The following AMPH variants were observed in gnomAD, a reference collection of about 807,000 sequenced individuals.
AMPH encodes the protein amphiphysin (Stiff-Mann syndrome with breast cancer 128kD autoantigen).
AMPH carries 49 observed loss-of-function variants against 99.1 expected under a neutral mutation model. The observed-to-expected ratio is 0.49, with a 90% CI of 0.39 to 0.63. The LOEUF (loss-of-function observed/expected upper bound fraction) is 0.63. Among genes scored for constraint, AMPH ranks in the 20% least tolerant of loss-of-function variants. The pLI, the probability that AMPH is intolerant of heterozygous loss-of-function variation, is 0.00. For synonymous variants in AMPH, 314 were observed against 317.3 expected, an observed-to-expected ratio of 0.99 and a Z score of 0.11; for missense variants, 759 against 863.4, an observed-to-expected ratio of 0.88 and a Z score of 1.52.
intron 7 of AMPH, among the ~76,000 whole-genome samples, chr7:38,471,216 AC>A (rs1787872636): frequency 6.6e-6 from 1 of 152,120 alleles, no homozygotes; most frequent in South Asian, 2.1e-4. Context: ...AGTTCCATGA[AC>A]CCAGATATCT....
chr7:38,606,912 C>T (rs1562857991), intron 1 of AMPH, among the ~76,000 whole-genome samples: 1 of 152,138 alleles, frequency 6.6e-6, no homozygotes, highest in African/African-American at 2.4e-5. Context: ...ATTCATTACA[C>T]TGTATGAATT....
chr7:38,465,497 T>A lies in AMPH; in HGVS notation c.719A>T (p.Asp240Val). 6.3e-7 allele frequency: 1 copy of A among 1,584,616 alleles called. No homozygotes were observed. The highest frequency in any genetic ancestry group is 8.6e-7 in the Non-Finnish European group (1 of 1,163,642). The change falls in exon 9 of 21, where the codon GAC (aspartate) becomes GTC (valine). Residue 240 changes from aspartate to valine, a missense_variant. Coordinates refer to ENST00000356264, the MANE Select transcript of AMPH (RefSeq NM_001635.4). Reference protein sequence around the residue: ...VMTKLGDQHADKAFTIQGAPS... With the variant: ...VMTKLGDQHAVKAFTIQGAPS... ...CGCTCCTTGGATGGTGAAGGCCTTG[T>A]CGGCGTGCTGGTCACCCAGTTTTGT...
At chr7:38,559,301 C>T (rs1319429955) in intron 1 of AMPH, among the ~76,000 whole-genome samples, 3 of 152,228 alleles carry the variant, frequency 2.0e-5, no homozygotes, top group Non-Finnish European at 2.9e-5. Flanking sequence ...GCCTCATTTA[C>T]AGCTCACCCG....
chr7:38,440,377 A>G (rs1158052883), intron 11 of AMPH, among the ~76,000 whole-genome samples: 1 of 152,208 alleles, frequency 6.6e-6, no homozygotes, highest in Non-Finnish European at 1.5e-5. Context: ...AAAATCAGAA[A>G]GAATACATCA....
intron 1 of AMPH, among the ~76,000 whole-genome samples, chr7:38,562,815 G>T (rs1449247388): frequency 6.6e-6 from 1 of 152,194 alleles, no homozygotes; most frequent in Non-Finnish European, 1.5e-5. Context: ...GCAATGCAAG[G>T]AGTGTGTCTT....
chr7:38,517,576 G>A (rs764469092), intron 2 of AMPH, among the ~76,000 whole-genome samples: 28 of 152,158 alleles, frequency 1.8e-4, no homozygotes, highest in Non-Finnish European at 3.7e-4. Context: ...GTTCTTTATA[G>A]CAGTGTGAGA....
chr7:38,486,206 CTAAAT>C (rs1788486915), intron 5 of AMPH, among the ~76,000 whole-genome samples: 1 of 140,318 alleles, frequency 7.1e-6, no homozygotes, highest in South Asian at 2.2e-4. Context: ...TTTATCTAAA[CTAAAT>C]AAGATAGAAG....
chr7:38,452,333 T>C (rs1412366661), intron 11 of AMPH, among the ~76,000 whole-genome samples: 1 of 152,210 alleles, frequency 6.6e-6, no homozygotes, highest in Non-Finnish European at 1.5e-5. Context: ...AGAAAACCTT[T>C]TCAGGTACAT....
At chr7:38,597,942 C>T (rs1421027922) in intron 1 of AMPH, among the ~76,000 whole-genome samples, 1 of 152,186 alleles carries the variant, frequency 6.6e-6, no homozygotes, top group Admixed American at 6.5e-5. Context: ...CCCTTATCCT[C>T]TGAGAACATT....
chr7:38,393,878 G>T, intron 18 of AMPH, 127 bp downstream of exon 18: 1 of 801,996 alleles, frequency 1.2e-6, no homozygotes, highest in Non-Finnish European at 2.0e-6. Flanking sequence ...AATGTTGTTT[G>T]GTGGAGTCAC....
intron 1 of AMPH, among the ~76,000 whole-genome samples, chr7:38,537,434 C>T (rs1790654579): frequency 6.6e-6 from 1 of 152,020 alleles, no homozygotes; most frequent in Non-Finnish European, 1.5e-5. Flanking sequence ...CTGAACTTCA[C>T]CAATGTATAA....
intron 14 of AMPH, chr7:38,428,377 A>G (rs1330933767): frequency 4.4e-6 from 2 of 456,692 alleles, no homozygotes; most frequent in South Asian, 3.1e-5. Flanking sequence ...TCTGCCTTAC[A>G]TGAACATAAA....
chr7:38,494,493 C>A lies in AMPH; in HGVS notation c.240G>T (p.Ser80=), dbSNP rs773721004. 6.2e-7 allele frequency: 1 copy of A among 1,613,802 alleles called. No homozygotes were observed. Among genetic ancestry groups the A allele is most frequent in the South Asian group, 1.1e-5 (1 of 91,086 alleles). The change falls in exon 4 of 21, where the codon TCG becomes TCT. Residue 80 remains serine (S), a synonymous_variant. Coordinates refer to ENST00000356264, the MANE Select transcript of AMPH (RefSeq NM_001635.4). ...MQEASMKLTE[S]LHEVYEPDWY... Reference sequence around the variant, plus strand: ...AGTCAGGCTCATAGACTTCATGCAGCGACTCTGTGAGCTTCATGGAGGCCT... The same window carrying A: ...AGTCAGGCTCATAGACTTCATGCAGAGACTCTGTGAGCTTCATGGAGGCCT...
chr7:38,454,308 G>A (rs773549161), intron 11 of AMPH, among the ~76,000 whole-genome samples: 5 of 152,126 alleles, frequency 3.3e-5, no homozygotes, highest in Non-Finnish European at 5.9e-5. Flanking sequence ...AATATGATGT[G>A]ATTATAATCG....
At position 38,627,151 on chromosome 7, in the gene AMPH, C is replaced by T. The variant is rs76429340; in HGVS notation, c.69+4132G>A. On this transcript the variant is annotated intron_variant, in intron 1 of 20. Transcript: ENST00000356264. ...CAGGCCCAATTCAACCAGTCCAACC[C>T]GTGGTCTTGGCCCTTGCTCTCAGAG... is the stretch of plus-strand genomic sequence containing the variant. Among the ~76,000 whole-genome samples the T allele has an allele frequency of 7.4e-3, 1,126 of 152,150 alleles. 15 individuals carry two copies. Among genetic ancestry groups the T allele is most frequent in the African/African-American group, 0.025 (1,034 of 41,514 alleles).
rs558994778 is a variant in AMPH at position 38,609,078 on chromosome 7, T to C, written c.69+22205A>G. Among the ~76,000 whole-genome samples the C allele has an allele frequency of 1.3e-4, 20 of 152,224 alleles. No homozygotes were observed. The East Asian group carries it at 2.7e-3, about 21-fold the overall frequency. Reference sequence around the variant, plus strand: ...AATCCCATTTGCTGGAAAGGTGAGATGACTGTGAGAAGAGGGTGATCATTT... The same window carrying C: ...AATCCCATTTGCTGGAAAGGTGAGACGACTGTGAGAAGAGGGTGATCATTT... On this transcript the variant is annotated intron_variant, in intron 1 of 20. Transcript: ENST00000356264.
chr7:38,423,849 C>A (rs146382204), intron 15 of AMPH, among the ~76,000 whole-genome samples: 35 of 152,134 alleles, frequency 2.3e-4, no homozygotes, highest in African/African-American at 8.2e-4. Flanking sequence ...ACTAAGAACA[C>A]CAAGCAACAT....
At chr7:38,625,842 G>C (rs1195429921) in intron 1 of AMPH, among the ~76,000 whole-genome samples, 2 of 152,180 alleles carry the variant, frequency 1.3e-5, no homozygotes, top group Admixed American at 1.3e-4. Flanking sequence ...CTGGGTGGTA[G>C]CTATGCAGAT....
chr7:38,525,670 A>G (rs902295385), intron 2 of AMPH, among the ~76,000 whole-genome samples: 2 of 152,136 alleles, frequency 1.3e-5, no homozygotes, highest in Admixed American at 6.6e-5. Context: ...TGTCATGCCG[A>G]AAGAGTCACA....
Sources: gnomAD v4.1 joint callset for allele counts (sites outside exome capture counted in the v4.1 genomes callset) on GRCh38, gnomAD v4.1.1 for gene constraint, MANE v1.5 for transcripts, NCBI Gene and HGNC (gene_info 2026-07-23, HGNC 2026-07-21) for gene names.